The following SNX14 variants were observed in gnomAD, a reference collection of about 807,000 sequenced individuals.
The protein encoded by SNX14 is sorting nexin-14.
SNX14 carries 93 observed loss-of-function variants against 133.8 expected under a neutral mutation model. The observed-to-expected ratio is 0.70, with a 90% CI of 0.59 to 0.83. The LOEUF (loss-of-function observed/expected upper bound fraction) is 0.83. Among genes scored for constraint, SNX14 ranks in the 40% least tolerant of loss-of-function variants. The pLI is 0.00. For missense variants in SNX14, 945 were observed against 1,094.9 expected (o/e 0.86, Z 1.93); for synonymous variants, 368 against 365.6 (o/e 1.01, Z -0.07).
At chr6:85,557,363 T>A (rs1459238768) in intron 7 of SNX14, among the ~76,000 whole-genome samples, 1 of 151,990 alleles carries the variant, frequency 6.6e-6, no homozygotes, top group African/African-American at 2.4e-5. Context: ...TCCTGCAGGA[T>A]ATGGTAAGAA....
At chr6:85,581,404 A>G (rs1435402051) in intron 1 of SNX14, 1 of 152,272 alleles carries the variant, frequency 6.6e-6, no homozygotes, top group Non-Finnish European at 1.5e-5. Flanking sequence ...CCAGAATGCA[A>G]ACACTACAAT....
chr6:85,588,001 A>G (rs12190637), intron 1 of SNX14, among the ~76,000 whole-genome samples: 15,663 of 152,186 alleles, frequency 0.1, 934 homozygotes, highest in South Asian at 0.17. Context: ...GCTCATTTAA[A>G]GGGCTAGGCC....
At chr6:85,526,291 C>T in intron 20 of SNX14, 54 bp from the exon 21 acceptor site, 2 of 1,051,800 alleles carry the variant, frequency 1.9e-6, no homozygotes, top group Non-Finnish European at 2.8e-6. Context: ...GAGGAGTAGT[C>T]AAAACTGTAT....
chr6:85,540,042 A>T (rs530826118), intron 15 of SNX14, among the ~76,000 whole-genome samples: 2 of 151,576 alleles, frequency 1.3e-5, no homozygotes, highest in African/African-American at 4.8e-5. Flanking sequence ...GCTCACTGTA[A>T]CCTCTGCCTC....
chr6:85,566,934 C>A (rs1326509535), intron 5 of SNX14, among the ~76,000 whole-genome samples: 2 of 151,966 alleles, frequency 1.3e-5, no homozygotes, highest in Non-Finnish European at 2.9e-5. Flanking sequence ...TCTTCAAAAG[C>A]ACAAGGCCCT....
At position 85,593,857 on chromosome 6, in the gene SNX14, A is replaced by AGGTCGCGTCC; in HGVS notation, c.-140_-139insGGACGCGACC. On this transcript the variant is annotated 5_prime_UTR_variant, in exon 1 of 29. Coordinates refer to ENST00000314673, the MANE Select transcript of SNX14 (RefSeq NM_153816.6). ...ACCGGCAGTTAGCCGCCGCAGGCTG[A>AGGTCGCGTCC]GGTCGCGTCCGGCTGGGCCCAGCCC... 1 of 1,465,148 alleles carries AGGTCGCGTCC rather than the reference A, an allele frequency of 6.8e-7. No individual in the cohort carries two copies. Among genetic ancestry groups the AGGTCGCGTCC allele is most frequent in the South Asian group, 1.3e-5 (1 of 78,398 alleles). The allele number at this position is 1,465,148 out of a possible 1,614,324, so 90.8% of individuals were successfully genotyped here.
intron 21 of SNX14, among the ~76,000 whole-genome samples, chr6:85,522,384 A>G (rs1777175590): frequency 6.6e-6 from 1 of 152,234 alleles, no homozygotes; most frequent in Admixed American, 6.5e-5. Context: ...TATATAAATT[A>G]TAGATTCAGC....
At chr6:85,562,801 A>G (rs1792160247) in intron 6 of SNX14, among the ~76,000 whole-genome samples, 1 of 152,054 alleles carries the variant, frequency 6.6e-6, no homozygotes, top group Non-Finnish European at 1.5e-5. Flanking sequence ...CATGTTGGCC[A>G]GGCTGATCTC....
chr6:85,543,201 A>ATAGG lies in SNX14; in HGVS notation c.1366_1369dup (p.Met457ThrfsTer6), dbSNP rs1426459377. The ATAGG allele has an allele frequency of 6.4e-7, 1 of 1,572,930 alleles. No homozygotes were observed. The highest frequency in any genetic ancestry group is 8.6e-7 in the Non-Finnish European group (1 of 1,164,016). ...ACTTACCTCATCACTATGGCAGAACATAGGAGTAAATACATTCTCCAAAAG... is the reference window on the plus strand; with the variant it reads ...ACTTACCTCATCACTATGGCAGAACATAGGTAGGAGTAAATACATTCTCCAAAAG... On this transcript the variant is annotated frameshift_variant, in exon 14 of 29. Transcript: ENST00000314673. LOFTEE classifies it high-confidence loss of function.
At chr6:85,546,445 G>T (rs1785503961) in intron 12 of SNX14, among the ~76,000 whole-genome samples, 1 of 151,898 alleles carries the variant, frequency 6.6e-6, no homozygotes, top group East Asian at 1.9e-4. Context: ...ATTAAAATGA[G>T]GTATTCTTAT....
At chr6:85,562,144 T>C (rs1048545635) in intron 6 of SNX14, among the ~76,000 whole-genome samples, 32 of 152,334 alleles carry the variant, frequency 2.1e-4, no homozygotes, top group African/African-American at 7.7e-4. Context: ...ACCAGCTACA[T>C]CCATGTTGCT....
At chr6:85,579,075 T>C (rs1042406577) in intron 1 of SNX14, among the ~76,000 whole-genome samples, 1 of 151,866 alleles carries the variant, frequency 6.6e-6, no homozygotes, top group African/African-American at 2.4e-5. Flanking sequence ...GAGGCAGAAG[T>C]TGCAGTGAGC....
chr6:85,505,598 C>G lies in SNX14; in HGVS notation c.*369G>C, dbSNP rs185020958. ...ACCAATCTACTAAAATATATTAACT[C>G]TAAGAAAATCAGATCTTATTCCTGT... On this transcript the variant is annotated 3_prime_UTR_variant, in exon 29 of 29. Transcript: ENST00000314673. 365 of 193,030 alleles carry G rather than the reference C, an allele frequency of 1.9e-3. 2 individuals are homozygous for G. The highest frequency in any genetic ancestry group is 6.5e-3 in the Middle Eastern group (3 of 464). 12.0% of individuals were successfully genotyped at this position (193,030 alleles called of 1,614,324 possible). A position where few individuals can be genotyped will look rare whatever the true frequency, so the allele number is the denominator to read the frequency against.
intron 23 of SNX14, among the ~76,000 whole-genome samples, chr6:85,515,281 A>C (rs1483407520): frequency 6.7e-6 from 1 of 149,878 alleles, no homozygotes; most frequent in South Asian, 2.1e-4. Flanking sequence ...AAAAAAAAAA[A>C]AAAAAACACT....
chr6:85,566,239 C>G (rs137932160), intron 5 of SNX14, among the ~76,000 whole-genome samples: 172 of 152,322 alleles, frequency 1.1e-3, no homozygotes, highest in African/African-American at 4.0e-3. Context: ...ATTCATTTTA[C>G]AAAAGGCCTC....
At chr6:85,548,256 T>C (rs772950931) in intron 9 of SNX14, 45 bp downstream of exon 9, 52 of 1,339,208 alleles carry the variant, frequency 3.9e-5, no homozygotes, top group Non-Finnish European at 5.5e-5. Flanking sequence ...AAATGTTATA[T>C]TAAGTGTAAT....
rs75655503 is a variant in SNX14 at position 85,513,202 on chromosome 6, C to T, written c.2653+598G>A. On this transcript the variant is annotated intron_variant, in intron 26 of 28. Transcript: ENST00000314673. ...TTGACATTTCTTCCTTGTTATTTCC[C>T]GTCACAGTTAAGAGGTTACTACCAC... 4.6e-3 allele frequency among the ~76,000 whole-genome samples: 698 copies of T among 152,230 alleles called. 5 individuals are homozygous for T. Among genetic ancestry groups the T allele is most frequent in the African/African-American group, 0.012 (514 of 41,542 alleles).
intron 1 of SNX14, among the ~76,000 whole-genome samples, chr6:85,590,014 T>C (rs905459504): frequency 1.3e-5 from 2 of 152,236 alleles, no homozygotes; most frequent in African/African-American, 2.4e-5. Context: ...AGCTTCGATG[T>C]TGAACTCATG....
At chr6:85,559,501 T>G (rs749436683) in intron 6 of SNX14, among the ~76,000 whole-genome samples, 2 of 152,190 alleles carry the variant, frequency 1.3e-5, no homozygotes, top group Non-Finnish European at 2.9e-5. Context: ...TAAATGATTC[T>G]TTGTTTTCAT....
Sources: allele counts gnomAD v4.1 joint callset (sites outside exome capture counted in the v4.1 genomes callset), GRCh38; gene constraint gnomAD v4.1.1; transcripts MANE v1.5; gene names NCBI Gene and HGNC (gene_info 2026-07-23, HGNC 2026-07-21).